Variants in MAGI3 observed in about 807,000 individuals in gnomAD.
MAGI3 encodes membrane associated guanylate kinase, WW and PDZ domain containing 3, also known as membrane-associated guanylate kinase, WW and PDZ domain-containing protein 3.
MAGI3 carries 43 observed loss-of-function variants against 121.8 expected under a neutral mutation model. The observed-to-expected ratio is 0.35, with a 90% CI of 0.28 to 0.46. The LOEUF (loss-of-function observed/expected upper bound fraction) is 0.46. Ranked by LOEUF, MAGI3 falls within the 20% of genes least tolerant of loss-of-function variation. The pLI, the probability that MAGI3 is intolerant of heterozygous loss-of-function variation, is 1.00. For synonymous variants in MAGI3, 553 were observed against 639.3 expected, an observed-to-expected ratio of 0.86 and a Z score of 2.04; for missense variants, 1,547 against 1,797.3, an observed-to-expected ratio of 0.86 and a Z score of 2.52.
At chr1:113,472,661 GGTGTGT>G (rs142790579) in intron 1 of MAGI3, among the ~76,000 whole-genome samples, 1 of 147,878 alleles carries the variant, frequency 6.8e-6, no homozygotes, top group African/African-American at 2.5e-5. Context: ...ATCTACTACA[GGTGTGT>G]GTGTGTGTGT....
rs544413444 is a variant in MAGI3, at chr1:113,669,407, T to C, written c.2816-2327T>C. Among the ~76,000 whole-genome samples the C allele has an allele frequency of 5.3e-5, 8 of 152,306 alleles. No individual in the cohort carries two copies. The South Asian group carries it at 1.7e-3, about 32-fold the overall frequency. On this transcript the variant is annotated intron_variant, in intron 16 of 20. Coordinates refer to ENST00000307546, the MANE Select transcript of MAGI3 (RefSeq NM_001142782.2). ...TGCTGTGAGAACATTGTGATCACAGTGTGCTTAAGGTGCCAGGTAGGATTT... is the reference window on the plus strand; with the variant it reads ...TGCTGTGAGAACATTGTGATCACAGCGTGCTTAAGGTGCCAGGTAGGATTT...
chr1:113,451,673 A>G (rs565768339), intron 1 of MAGI3, among the ~76,000 whole-genome samples: 2 of 152,244 alleles, frequency 1.3e-5, no homozygotes, highest in South Asian at 2.1e-4. Context: ...TCAAGCAACT[A>G]TATGTATATT....
chr1:113,450,570 G>T (rs1044891028), intron 1 of MAGI3: 7 of 1,052,538 alleles, frequency 6.7e-6, no homozygotes, highest in Non-Finnish European at 1.0e-5. Flanking sequence ...AACTATGGTG[G>T]TGGTGGGAAC....
intron 9 of MAGI3, among the ~76,000 whole-genome samples, chr1:113,628,913 G>A (rs1180484526): frequency 2.0e-5 from 3 of 152,104 alleles, no homozygotes; most frequent in Non-Finnish European, 4.4e-5. Flanking sequence ...GGTTAAATCT[G>A]CTTGGTGCTC....
intron 6 of MAGI3, among the ~76,000 whole-genome samples, chr1:113,600,728 G>C (rs1051309513): frequency 3.9e-5 from 6 of 152,136 alleles, no homozygotes; most frequent in Non-Finnish European, 8.8e-5. Context: ...CTACTTTAAA[G>C]TTCATATGGA....
intron 1 of MAGI3, among the ~76,000 whole-genome samples, chr1:113,443,626 A>G (rs1654023648): frequency 6.6e-6 from 1 of 152,112 alleles, no homozygotes; most frequent in Non-Finnish European, 1.5e-5. Flanking sequence ...TATTGTGAGT[A>G]ACTGGTACAA....
At chr1:113,447,967 C>T (rs1570689759) in intron 1 of MAGI3, among the ~76,000 whole-genome samples, 1 of 152,158 alleles carries the variant, frequency 6.6e-6, no homozygotes, top group East Asian at 1.9e-4. Context: ...CCCTGGCAAC[C>T]ACTAAATGAC....
chr1:113,437,626 C>CTA (rs992453654), intron 1 of MAGI3, among the ~76,000 whole-genome samples: 3 of 151,994 alleles, frequency 2.0e-5, no homozygotes, highest in African/African-American at 4.8e-5. Context: ...TATTTTTAAA[C>CTA]TATATATATC....
At chr1:113,475,951 C>G (rs780454039) in intron 1 of MAGI3, among the ~76,000 whole-genome samples, 12 of 152,092 alleles carry the variant, frequency 7.9e-5, no homozygotes, top group Non-Finnish European at 1.8e-4. Flanking sequence ...CTGGTTTAGT[C>G]TTGGGAGGGT....
chr1:113,624,693 A>G (rs918352632), intron 9 of MAGI3, among the ~76,000 whole-genome samples: 2 of 152,178 alleles, frequency 1.3e-5, no homozygotes, highest in African/African-American at 4.8e-5. Flanking sequence ...TTCCTTTGCT[A>G]TGCAGAAGCT....
At position 113,671,749 on chromosome 1, in the gene MAGI3, C is replaced by T. The variant is rs138270035; in HGVS notation, c.2831C>T (p.Pro944Leu). The change falls in exon 17 of 21, where the codon CCA becomes CTA. Residue 944 changes from proline (P) to leucine (L), a missense_variant. Pro to Leu is a moderately conservative substitution (Grantham distance 98). Transcript: ENST00000307546. The stretch of plus-strand genomic sequence containing the variant: ...ATTTGAACAGAGCATCATGGTCCAC[C>T]ATCAGGAACAAACTCAGCCAGGCAA... ...VIAEEEHHGP[P>L]SGTNSARQSP... 2.0e-5 allele frequency: 33 copies of T among 1,614,174 alleles called. No individual in the cohort carries two copies. In the African/African-American group the frequency reaches 3.9e-4, roughly 19 times the overall value.
At chr1:113,642,770 G>GATTTTCAAAA (rs1652620906) in intron 10 of MAGI3, among the ~76,000 whole-genome samples, 2 of 152,138 alleles carry the variant, frequency 1.3e-5, no homozygotes, top group Non-Finnish European at 2.9e-5. Flanking sequence ...TCTGATTCAT[G>GATTTTCAAAA]GCTTTAATGA....
At chr1:113,522,430 C>T (rs1010245329) in intron 1 of MAGI3, among the ~76,000 whole-genome samples, 16 of 152,244 alleles carry the variant, frequency 1.1e-4, no homozygotes, top group Admixed American at 5.2e-4. Flanking sequence ...TATAATTATT[C>T]ATGTGCTTAT....
intron 2 of MAGI3, among the ~76,000 whole-genome samples, chr1:113,560,488 G>C (rs1660188956): frequency 6.6e-6 from 1 of 152,098 alleles, no homozygotes; most frequent in African/African-American, 2.4e-5. Context: ...CAACTACATG[G>C]AAATTGAACA....
At chr1:113,506,276 G>T (rs1202685671) in intron 1 of MAGI3, among the ~76,000 whole-genome samples, 5 of 152,112 alleles carry the variant, frequency 3.3e-5, no homozygotes, top group African/African-American at 1.2e-4. Flanking sequence ...ATATACTTTA[G>T]TGCCCCCAGC....
chr1:113,436,371 A>G lies in MAGI3; in HGVS notation c.316+45022A>G, dbSNP rs532195747. ...TGAAAACATTAGTGAGATAAAAACC[A>G]AAGATTTCTCTAATGGGCAGTTTGT... On this transcript the variant is annotated intron_variant, in intron 1 of 20. Transcript: ENST00000307546. Among the ~76,000 whole-genome samples, 7 of 152,282 alleles carry G rather than the reference A, an allele frequency of 4.6e-5. No individual in the cohort carries two copies. In the South Asian group the frequency reaches 1.4e-3, roughly 32 times the overall value.
In MAGI3 at chr1:113,683,884, A is replaced by G. The variant is rs761251962; in HGVS notation, c.4316A>G (p.Lys1439Arg). The G allele has an allele frequency of 1.9e-6, 3 of 1,612,438 alleles. No individual in the cohort carries two copies. The highest frequency in any genetic ancestry group is 2.5e-6 in the Non-Finnish European group (3 of 1,179,312). The change falls in exon 21 of 21, where the codon AAA (lysine) becomes AGA (arginine). Residue 1439 changes from lysine (K) to arginine (R), a missense_variant. Lys to Arg is a conservative substitution (Grantham distance 26). Transcript: ENST00000307546. The stretch of plus-strand genomic sequence containing the variant: ...GAACTAGAGGCAGCTGACAAAAACA[A>G]AGAGACTGGAAGGTTCAAACCGGAA... ...GKELEAADKNKETGRFKPESS... is the reference protein window; with the variant it reads ...GKELEAADKNRETGRFKPESS...
At chr1:113,567,502 A>T (rs1169118435) in intron 2 of MAGI3, among the ~76,000 whole-genome samples, 1 of 152,118 alleles carries the variant, frequency 6.6e-6, no homozygotes, top group Non-Finnish European at 1.5e-5. Context: ...TGGATATTTG[A>T]CACAAAAATT....
chr1:113,426,129 A>G (rs1652997002), intron 1 of MAGI3, among the ~76,000 whole-genome samples: 1 of 152,152 alleles, frequency 6.6e-6, no homozygotes, highest in Non-Finnish European at 1.5e-5. Context: ...GTATTTTTAA[A>G]TGTTCCTTTG....
Sources: allele counts gnomAD v4.1 joint callset (sites outside exome capture counted in the v4.1 genomes callset), GRCh38; gene constraint gnomAD v4.1.1; transcripts MANE v1.5; gene names NCBI Gene and HGNC (gene_info 2026-07-23, HGNC 2026-07-21).